Variants in RIMKLB observed in about 807,000 individuals in gnomAD.
RIMKLB encodes the protein beta-citrylglutamate synthase B.
In RIMKLB, 7 loss-of-function variants were observed where a neutral mutation model predicts 32.0. The ratio of observed to expected loss-of-function variants is 0.22; its 90% confidence interval spans 0.12 to 0.41. RIMKLB has a LOEUF of 0.41. Among genes scored for constraint, RIMKLB ranks in the 10% least tolerant of loss-of-function variants. The pLI, the probability that RIMKLB is intolerant of heterozygous loss-of-function variation, is 1.00. For missense variants in RIMKLB, 289 were observed against 498.7 expected, an observed-to-expected ratio of 0.58 and a Z score of 4.00; for synonymous variants, 172 against 185.1, an observed-to-expected ratio of 0.93 and a Z score of 0.57.
At chr12:8,736,777 C>T (rs1947046288) in intron 2 of RIMKLB, among the ~76,000 whole-genome samples, 1 of 151,262 alleles carries the variant, frequency 6.6e-6, no homozygotes, top group Non-Finnish European at 1.5e-5. Context: ...TGAGCCACCT[C>T]ACCCAGCCAG....
rs374248473 is a variant in RIMKLB, at chr12:8,773,589, G to A, written c.966G>A (p.Val322=). The part of the protein sequence containing the change: ...LTRRMSLLSV[V]STASETSEPE... ...GGCGTATGTCCCTGCTCTCCGTGGTGTCCACTGCCAGTGAGACTAGTGAGC... is the reference window on the plus strand; with the variant it reads ...GGCGTATGTCCCTGCTCTCCGTGGTATCCACTGCCAGTGAGACTAGTGAGC... Residue 322 remains valine (V), a synonymous_variant, in exon 6 of 6, where the codon GTG becomes GTA. Coordinates refer to ENST00000535829, the MANE Select transcript of RIMKLB (RefSeq NM_001297776.2). 14 of 1,614,130 alleles carry A rather than the reference G, an allele frequency of 8.7e-6. No homozygotes were observed. The African/African-American group carries it at 1.6e-4, about 18-fold the overall frequency.
intron 1 of RIMKLB, among the ~76,000 whole-genome samples, chr12:8,682,715 T>C (rs148729204): frequency 0.028 from 4,100 of 146,720 alleles, 174 homozygotes; most frequent in African/African-American, 0.097. Flanking sequence ...GAGCTGGCAG[T>C]GAGCCGAGAT....
At chr12:8,761,525 C>T (rs927041749) in intron 5 of RIMKLB, among the ~76,000 whole-genome samples, 2 of 152,004 alleles carry the variant, frequency 1.3e-5, no homozygotes, top group African/African-American at 4.8e-5. Flanking sequence ...CGATCATTGC[C>T]CCTCCCCCTG....
In RIMKLB at chr12:8,727,444, G is replaced by A. The variant is rs765765827; in HGVS notation, c.175+13403G>A. Among the ~76,000 whole-genome samples the A allele has an allele frequency of 2.0e-5, 3 of 152,228 alleles. No homozygotes were observed. In the South Asian group the frequency reaches 6.2e-4, roughly 32 times the overall value. Reference sequence around the variant, plus strand: ...TAGAGATAGGGTTTCACTATATGTTGATCAGGCTGATCTTGAACTCAACCT... The same window carrying A: ...TAGAGATAGGGTTTCACTATATGTTAATCAGGCTGATCTTGAACTCAACCT... On this transcript the variant is annotated intron_variant, in intron 2 of 5. Coordinates refer to ENST00000535829, the MANE Select transcript of RIMKLB (RefSeq NM_001297776.2).
intron 1 of RIMKLB, among the ~76,000 whole-genome samples, chr12:8,691,700 A>G (rs1014755540): frequency 6.6e-6 from 1 of 152,238 alleles, no homozygotes; most frequent in African/African-American, 2.4e-5. Context: ...TTCTTTGAAC[A>G]TAGGATAACC....
Position 8,773,925 on chromosome 12 carries a change from A to C in RIMKLB, c.*141A>C. 7.0e-7 allele frequency: 1 copy of C among 1,433,754 alleles called. No individual in the cohort carries two copies. The highest frequency in any genetic ancestry group is 9.1e-7 in the Non-Finnish European group (1 of 1,097,400). 88.8% of individuals were successfully genotyped at this position (1,433,754 alleles called of 1,614,324 possible). A position where few individuals can be genotyped will look rare whatever the true frequency, so the allele number is the denominator to read the frequency against. On this transcript the variant is annotated 3_prime_UTR_variant, in exon 6 of 6. Transcript: ENST00000535829. ...AGTAGGATTAGTTGGAGAGAGTGGGAGATAGATGAGACCTCTGCTAGTAAG... is the reference window on the plus strand; with the variant it reads ...AGTAGGATTAGTTGGAGAGAGTGGGCGATAGATGAGACCTCTGCTAGTAAG...
At chr12:8,695,481 A>G (rs1942859775), upstream of RIMKLB, among the ~76,000 whole-genome samples, 1 of 152,128 alleles carries the variant, frequency 6.6e-6, no homozygotes, top group South Asian at 2.1e-4. Flanking sequence ...TATAAAAAGT[A>G]TGATGTATGA....
chr12:8,767,485 G>A (rs1950064136), intron 5 of RIMKLB, among the ~76,000 whole-genome samples: 1 of 152,178 alleles, frequency 6.6e-6, no homozygotes, highest in Non-Finnish European at 1.5e-5. Flanking sequence ...GTACCTAGGA[G>A]GCAGGGATCA....
intron 3 of RIMKLB, among the ~76,000 whole-genome samples, chr12:8,750,810 G>A (rs1215657198): frequency 6.6e-6 from 1 of 152,102 alleles, no homozygotes; most frequent in African/African-American, 2.4e-5. Context: ...ATTCTGAGTA[G>A]CACTGCTTTA....
At chr12:8,678,422 C>G (rs1445020805), upstream of RIMKLB, among the ~76,000 whole-genome samples, 1 of 151,982 alleles carries the variant, frequency 6.6e-6, no homozygotes, top group East Asian at 1.9e-4. Flanking sequence ...CCTCCGCCTC[C>G]CGGGTTCAAG....
chr12:8,725,381 G>A (rs774569539), intron 2 of RIMKLB, among the ~76,000 whole-genome samples: 3 of 152,210 alleles, frequency 2.0e-5, no homozygotes, highest in East Asian at 1.9e-4. Context: ...CGGTTCCAGC[G>A]ATTCTCCTGA....
intron 2 of RIMKLB, among the ~76,000 whole-genome samples, chr12:8,724,743 A>G (rs12299388): frequency 0.033 from 5,032 of 152,234 alleles, 281 homozygotes; most frequent in African/African-American, 0.11. Flanking sequence ...ACAGTGGGAT[A>G]GGGCTGGAGG....
rs372681827 is a variant in RIMKLB, at chr12:8,743,274, C to T, written c.176-6588C>T. On this transcript the variant is annotated intron_variant, in intron 2 of 5. Transcript: ENST00000535829. ...GAGGCTGAGGCAAGAGAATTGTTTG[C>T]ACCTGGAAGGCAGAGGTTACAGTGA... Among the ~76,000 whole-genome samples, 11 of 148,230 alleles carry T rather than the reference C, an allele frequency of 7.4e-5. No homozygotes were observed. In the East Asian group the frequency reaches 2.2e-3, roughly 29 times the overall value.
chr12:8,742,222 T>C (rs1947624215), intron 2 of RIMKLB, among the ~76,000 whole-genome samples: 1 of 151,894 alleles, frequency 6.6e-6, no homozygotes, highest in African/African-American at 2.4e-5. Flanking sequence ...TAACATTTGT[T>C]ACACATTTAA....
intron 1 of RIMKLB, among the ~76,000 whole-genome samples, chr12:8,704,971 AACACACACAC>A (rs3076182): frequency 3.4e-5 from 5 of 146,674 alleles, no homozygotes; most frequent in Middle Eastern, 3.4e-3. Context: ...TCACCTCTAA[AACACACACAC>A]ACACACACAC....
chr12:8,725,650 C>T (rs1945910701), intron 2 of RIMKLB, among the ~76,000 whole-genome samples: 1 of 152,210 alleles, frequency 6.6e-6, no homozygotes, highest in Admixed American at 6.5e-5. Flanking sequence ...GGGAGCCCTG[C>T]TCTGGAGTGG....
At chr12:8,687,884 G>T (rs1211321290) in intron 1 of RIMKLB, among the ~76,000 whole-genome samples, 7 of 151,896 alleles carry the variant, frequency 4.6e-5, no homozygotes, top group Non-Finnish European at 8.8e-5. Context: ...TGCTTTGCCT[G>T]GGGATCTGTT....
intron 4 of RIMKLB, among the ~76,000 whole-genome samples, chr12:8,752,404 T>G (rs1052119165): frequency 9.9e-5 from 15 of 152,072 alleles, no homozygotes; most frequent in African/African-American, 3.6e-4. Context: ...ATACAAAAAT[T>G]AGCCAGATGT....
intron 1 of RIMKLB, among the ~76,000 whole-genome samples, chr12:8,706,885 A>G (rs1367734179): frequency 6.6e-6 from 1 of 152,196 alleles, no homozygotes; most frequent in Non-Finnish European, 1.5e-5. Flanking sequence ...TCAGTGGTTC[A>G]GAAGGAATAA....
Sources: allele counts gnomAD v4.1 joint callset (sites outside exome capture counted in the v4.1 genomes callset), GRCh38; gene constraint gnomAD v4.1.1; transcripts MANE v1.5; gene names NCBI Gene and HGNC (gene_info 2026-07-23, HGNC 2026-07-21).